Variants in PKIB observed in about 807,000 individuals in gnomAD.
The protein encoded by PKIB is cAMP-dependent protein kinase inhibitor beta.
Under a neutral mutation model 4.5 loss-of-function variants are expected in PKIB, and 2 were observed. The observed-to-expected ratio is 0.44, with a 90% confidence interval of 0.18 to 1.39. The LOEUF (loss-of-function observed/expected upper bound fraction) is 1.39, where lower values mean the gene tolerates loss of function less well. PKIB is among the 40% of genes most tolerant of loss of function. The pLI is 0.27. For missense variants in PKIB, 94 were observed against 92.6 expected (o/e 1.02, Z -0.06); for synonymous variants, 38 against 36.0 (o/e 1.06, Z -0.20).
chr6:122,617,805 A>G (rs1775056594), intron 1 of PKIB, among the ~76,000 whole-genome samples: 1 of 152,168 alleles, frequency 6.6e-6, no homozygotes, highest in Non-Finnish European at 1.5e-5. Context: ...GATTTACTTT[A>G]TTAAGTACAT....
chr6:122,700,520 CT>C (rs1778769252), intron 3 of PKIB, among the ~76,000 whole-genome samples: 1 of 152,100 alleles, frequency 6.6e-6, no homozygotes, highest in Non-Finnish European at 1.5e-5. Flanking sequence ...TCTCTATAAC[CT>C]CAAGGATTAG....
chr6:122,625,125 G>T (rs533578534), intron 1 of PKIB, among the ~76,000 whole-genome samples: 2 of 152,248 alleles, frequency 1.3e-5, no homozygotes, highest in South Asian at 4.2e-4. Context: ...ATTTTACCTT[G>T]CCTATTAAAA....
chr6:122,620,663 C>G (rs1417119309), intron 1 of PKIB, among the ~76,000 whole-genome samples: 1 of 152,222 alleles, frequency 6.6e-6, no homozygotes, highest in African/African-American at 2.4e-5. Flanking sequence ...CTTTGTGACA[C>G]TATGCCTGGC....
At chr6:122,564,991 A>G (rs1773142743) in intron 2 of PKIB, among the ~76,000 whole-genome samples, 1 of 152,186 alleles carries the variant, frequency 6.6e-6, no homozygotes, top group African/African-American at 2.4e-5. Flanking sequence ...GCATAGTCTC[A>G]AGAGAAGTGT....
chr6:122,535,211 T>A (rs1777369230), intron 2 of PKIB, among the ~76,000 whole-genome samples: 1 of 152,146 alleles, frequency 6.6e-6, no homozygotes, highest in African/African-American at 2.4e-5. Flanking sequence ...TTCAGAGACT[T>A]TACATTTTGG....
At chr6:122,541,449 T>C (rs1019358747) in intron 2 of PKIB, among the ~76,000 whole-genome samples, 2 of 151,856 alleles carry the variant, frequency 1.3e-5, no homozygotes, top group African/African-American at 2.4e-5. Flanking sequence ...TGAAGCTTAG[T>C]TTGGCTGGAT....
At chr6:122,513,420 C>T (rs915824095) in intron 2 of PKIB, among the ~76,000 whole-genome samples, 6 of 152,060 alleles carry the variant, frequency 3.9e-5, no homozygotes, top group Non-Finnish European at 7.4e-5. Context: ...AGTGAAAGAA[C>T]GACTAAATTG....
At chr6:122,586,649 G>A (rs1353782409) in intron 3 of PKIB, among the ~76,000 whole-genome samples, 1 of 152,086 alleles carries the variant, frequency 6.6e-6, no homozygotes, top group Admixed American at 6.6e-5. Context: ...TCCTTTCCCT[G>A]TACTTCCCCT....
intron 3 of PKIB, among the ~76,000 whole-genome samples, chr6:122,593,843 G>A (rs1454284392): frequency 6.6e-6 from 1 of 152,152 alleles, no homozygotes; most frequent in Non-Finnish European, 1.5e-5. Flanking sequence ...ATTAAGGATG[G>A]ATCTGCCTTC....
chr6:122,553,574 A>G (rs1024777472), intron 2 of PKIB, among the ~76,000 whole-genome samples: 1 of 141,894 alleles, frequency 7.0e-6, no homozygotes, highest in East Asian at 2.2e-4. Context: ...CTCTTAGGAC[A>G]CAAGCCATCC....
intron 3 of PKIB, among the ~76,000 whole-genome samples, chr6:122,703,322 A>G (rs1778910699): frequency 6.6e-6 from 1 of 152,160 alleles, no homozygotes; most frequent in Non-Finnish European, 1.5e-5. Context: ...TTAATGGGAA[A>G]ATGCTTATGT....
At chr6:122,644,255 T>G (rs932886395) in intron 2 of PKIB, 2 of 152,212 alleles carry the variant, frequency 1.3e-5, no homozygotes, top group Non-Finnish European at 2.9e-5. Context: ...GTCCACCACA[T>G]AGAATTTCTT....
intron 1 of PKIB, among the ~76,000 whole-genome samples, chr6:122,632,787 G>A (rs902254957): frequency 1.3e-5 from 2 of 152,048 alleles, no homozygotes; most frequent in Non-Finnish European, 2.9e-5. Flanking sequence ...AAAGATGAAC[G>A]GTTGCAGGGA....
At chr6:122,615,047 T>G (rs1774927187) in intron 1 of PKIB, among the ~76,000 whole-genome samples, 3 of 152,124 alleles carry the variant, frequency 2.0e-5, no homozygotes, top group Admixed American at 2.0e-4. Context: ...CTCCAAGGGT[T>G]TGCAAAAAGT....
At chr6:122,478,099 C>G (rs1337777402) in intron 2 of PKIB, 1 of 152,136 alleles carries the variant, frequency 6.6e-6, no homozygotes, top group African/African-American at 2.4e-5. Flanking sequence ...AGGCTCCCAC[C>G]TAGAGTCCTG....
chr6:122,718,059 T>TC, intron 4 of PKIB, 96 bp downstream of exon 4: 4 of 1,221,130 alleles, frequency 3.3e-6, no homozygotes, highest in Non-Finnish European at 4.5e-6. Context: ...TTAAAAGTGC[T>TC]CAGTTTCCTT....
At position 122,615,446 on chromosome 6, in the gene PKIB, G is replaced by T. The variant is rs143607688; in HGVS notation, c.-161+4911G>T. Among the ~76,000 whole-genome samples, 693 of 152,250 alleles carry T rather than the reference G, an allele frequency of 4.6e-3. 3 individuals are homozygous for T. The highest frequency in any genetic ancestry group is 7.7e-3 in the Admixed American group (117 of 15,286). Reference sequence around the variant, plus strand: ...TTGGGATATGAAGTTAAGAAGACATGAGAATGAAGAGTGCCTCTCAGATTC... The same window carrying T: ...TTGGGATATGAAGTTAAGAAGACATTAGAATGAAGAGTGCCTCTCAGATTC... On this transcript the variant is annotated intron_variant, in intron 1 of 4. Coordinates refer to ENST00000368452, the MANE Select transcript of PKIB (RefSeq NM_181795.3).
chr6:122,500,632 C>T (rs934079685), intron 2 of PKIB, among the ~76,000 whole-genome samples: 1 of 152,084 alleles, frequency 6.6e-6, no homozygotes, highest in Admixed American at 6.6e-5. Flanking sequence ...ATGGCCAATT[C>T]CTAGAAAACA....
At chr6:122,703,423 T>A (rs1778914544) in intron 3 of PKIB, among the ~76,000 whole-genome samples, 1 of 152,152 alleles carries the variant, frequency 6.6e-6, no homozygotes, top group East Asian at 1.9e-4. Context: ...AAACAGTTGC[T>A]CTTGTGTGAT....
Sources: gnomAD v4.1 joint callset for allele counts (sites outside exome capture counted in the v4.1 genomes callset) on GRCh38, gnomAD v4.1.1 for gene constraint, MANE v1.5 for transcripts, NCBI Gene and HGNC (gene_info 2026-07-23, HGNC 2026-07-21) for gene names.